Variants in SYNJ2 observed in about 807,000 individuals in gnomAD.
The protein encoded by SYNJ2 is synaptojanin 2, also known as polyphosphatidylinositol phosphatase SYNJ2.
In SYNJ2, 116 loss-of-function variants were observed where a neutral mutation model predicts 141.3. The ratio of observed to expected loss-of-function variants is 0.82; its 90% CI spans 0.71 to 0.96. SYNJ2 has a LOEUF of 0.96. Among genes scored for constraint, SYNJ2 ranks in the 40% least tolerant of loss-of-function variants. The pLI is 0.00. For missense variants in SYNJ2, 1,873 were observed against 1,934.8 expected, an observed-to-expected ratio of 0.97 and a Z score of 0.60; for synonymous variants, 745 against 777.7, an observed-to-expected ratio of 0.96 and a Z score of 0.70.
chr6:158,000,393 G>C (rs1232904895), intron 1 of SYNJ2, among the ~76,000 whole-genome samples: 5 of 152,124 alleles, frequency 3.3e-5, no homozygotes, highest in Non-Finnish European at 5.9e-5. Flanking sequence ...GGATTTGGCT[G>C]TTTGTTCCTT....
intron 2 of SYNJ2, among the ~76,000 whole-genome samples, chr6:158,024,309 C>T (rs894283423): frequency 6.6e-6 from 1 of 152,104 alleles, no homozygotes. Flanking sequence ...CCTGTAATCC[C>T]GGCTACTCAA....
At chr6:158,025,972 A>ACATGC (rs1554235769) in intron 2 of SYNJ2, among the ~76,000 whole-genome samples, 2 of 128,730 alleles carry the variant, frequency 1.6e-5, no homozygotes, top group African/African-American at 6.1e-5. Flanking sequence ...ATAAATAAAT[A>ACATGC]ATACATGCAT....
Position 158,023,381 on chromosome 6 carries a change from A to C in SYNJ2, c.215-5375A>C, listed in dbSNP as rs527794012. On this transcript the variant is annotated intron_variant, in intron 2 of 26. Transcript: ENST00000355585. Reference sequence around the variant, plus strand: ...ACAGTGAGGCTGGGATTGAAGGAGGAGGAAGCCATCAGTGCTGGGTCAGGT... The same window carrying C: ...ACAGTGAGGCTGGGATTGAAGGAGGCGGAAGCCATCAGTGCTGGGTCAGGT... Among the ~76,000 whole-genome samples, 5 of 151,946 alleles carry C rather than the reference A, an allele frequency of 3.3e-5. No individual in the cohort carries two copies. In the South Asian group the frequency reaches 1.0e-3, roughly 32 times the overall value.
intron 4 of SYNJ2, among the ~76,000 whole-genome samples, chr6:158,042,234 G>A (rs1006224200): frequency 6.6e-6 from 1 of 152,274 alleles, no homozygotes; most frequent in East Asian, 1.9e-4. Context: ...GAAACAGACA[G>A]CATGTTCTTA....
At chr6:158,058,420 A>G (rs1162060815) in intron 6 of SYNJ2, among the ~76,000 whole-genome samples, 1 of 152,240 alleles carries the variant, frequency 6.6e-6, no homozygotes, top group African/African-American at 2.4e-5. Flanking sequence ...TTCAACATAC[A>G]TATTTAGAAA....
rs1474304644 is a variant in SYNJ2, at chr6:158,097,488, A to G, written c.*1124A>G. 1.3e-5 allele frequency: 2 copies of G among 152,258 alleles called. No homozygotes were observed. The highest frequency in any genetic ancestry group is 3.8e-4 in the East Asian group (2 of 5,202). 9.4% of individuals were successfully genotyped at this position (152,258 alleles called of 1,614,324 possible). On this transcript the variant is annotated 3_prime_UTR_variant, in exon 27 of 27. Coordinates refer to ENST00000355585, the MANE Select transcript of SYNJ2 (RefSeq NM_003898.4). ...TTTAAAGTAATGTTACAAGGTCTGG[A>G]ATCCATTTGGAGCAGATACCGTGTT...
chr6:157,983,222 A>T (rs941996311), intron 1 of SYNJ2, among the ~76,000 whole-genome samples: 1 of 152,192 alleles, frequency 6.6e-6, no homozygotes, highest in Non-Finnish European at 1.5e-5. Context: ...CTGATTCCCT[A>T]ATCATTTCAT....
Position 158,093,040 on chromosome 6 carries a change from T to C in SYNJ2, c.3680T>C (p.Leu1227Pro), listed in dbSNP as rs1783568628. The C allele has an allele frequency of 3.1e-6, 5 of 1,611,048 alleles. No individual in the cohort carries two copies. The highest frequency in any genetic ancestry group is 4.2e-6 in the Non-Finnish European group (5 of 1,179,246). ...KPETPQAPPL[L>P]PRRPPPRVPA... ...GAGACCCCACAGGCGCCCCCACTCCTTCCCCGTCGGCCCCCACCCAGAGTT... is the reference window on the plus strand; with the variant it reads ...GAGACCCCACAGGCGCCCCCACTCCCTCCCCGTCGGCCCCCACCCAGAGTT... Residue 1227 changes from leucine to proline, a missense_variant, in exon 26 of 27, where the codon CTT (leucine) becomes CCT (proline). Coordinates refer to ENST00000355585, the MANE Select transcript of SYNJ2 (RefSeq NM_003898.4).
chr6:157,986,407 C>T (rs143562629), intron 1 of SYNJ2, among the ~76,000 whole-genome samples: 1 of 152,318 alleles, frequency 6.6e-6, no homozygotes, highest in Non-Finnish European at 1.5e-5. Flanking sequence ...AATCTTGGCT[C>T]ACTGCAACCC....
chr6:158,039,272 C>G (rs1474766150), intron 4 of SYNJ2, among the ~76,000 whole-genome samples: 3 of 152,254 alleles, frequency 2.0e-5, no homozygotes, highest in Non-Finnish European at 1.5e-5. Context: ...AGTTAGTATG[C>G]TCCTGCGAAG....
In SYNJ2 at chr6:158,063,865, C is replaced by T. The variant is rs148209966; in HGVS notation, c.1202C>T (p.Ala401Val). The change falls in exon 9 of 27, where the codon GCG (alanine) becomes GTG (valine). Residue 401 changes from alanine (A) to valine (V), a missense_variant. Ala to Val is a moderately conservative substitution (Grantham distance 64). Coordinates refer to ENST00000355585, the MANE Select transcript of SYNJ2 (RefSeq NM_003898.4). The part of the protein sequence containing the change: ...DRTNTVQSFI[A>V]LEVLHLQLKT... ...ACCAACACTGTGCAGAGCTTCATCGCGCTCGAGGTGCGTCCCTGCCACAGC... is the reference window on the plus strand; with the variant it reads ...ACCAACACTGTGCAGAGCTTCATCGTGCTCGAGGTGCGTCCCTGCCACAGC... 24 of 1,613,466 alleles carry T rather than the reference C, an allele frequency of 1.5e-5. No individual in the cohort carries two copies. The highest frequency in any genetic ancestry group is 8.9e-5 in the East Asian group (4 of 44,850).
upstream of SYNJ2, among the ~76,000 whole-genome samples, chr6:157,981,333 G>A (rs927345974): frequency 4.6e-5 from 7 of 152,314 alleles, no homozygotes; most frequent in East Asian, 1.2e-3. The surrounding 1 kb of genome is among the most constrained non-coding windows in gnomAD (Gnocchi z 6.4). Context: ...TCTCCAGCCC[G>A]CTCCACGCGC....
At chr6:158,003,652 G>C (rs191327877) in intron 1 of SYNJ2, among the ~76,000 whole-genome samples, 27 of 152,164 alleles carry the variant, frequency 1.8e-4, no homozygotes, top group Non-Finnish European at 1.2e-4. Flanking sequence ...TCCTTAAGGC[G>C]TGTTATTGTG....
Position 158,090,332 on chromosome 6 carries a change from G to A in SYNJ2, c.3565+385G>A, listed in dbSNP as rs189321715. ...ACAAAATCTACCTTTTAAATCACTG[G>A]CAAGTGGAAATAAAGTTTTTAGTGT... On this transcript the variant is annotated intron_variant, in intron 25 of 26. Coordinates refer to ENST00000355585, the MANE Select transcript of SYNJ2 (RefSeq NM_003898.4). 1.9e-4 allele frequency among the ~76,000 whole-genome samples: 29 copies of A among 152,264 alleles called. No individual in the cohort carries two copies. In the East Asian group the frequency reaches 2.1e-3, roughly 11 times the overall value.
chr6:158,067,798 C>T (rs2128370340), intron 12 of SYNJ2: 4 of 985,268 alleles, frequency 4.1e-6, no homozygotes, highest in East Asian at 1.1e-4. Flanking sequence ...CACTGGGGCT[C>T]TCTGTGTCGG....
chr6:158,069,745 C>T, intron 14 of SYNJ2, 72 bp downstream of exon 14: 1 of 1,466,306 alleles, frequency 6.8e-7, no homozygotes, highest in Non-Finnish European at 9.2e-7. Flanking sequence ...TCTTTGACTT[C>T]CCCCTCCTCC....
chr6:158,016,636 C>G (rs566642092), intron 1 of SYNJ2, among the ~76,000 whole-genome samples: 1 of 152,300 alleles, frequency 6.6e-6, no homozygotes, highest in South Asian at 2.1e-4. Context: ...CCTAATGGTT[C>G]TTCCCTCTGT....
In SYNJ2 at chr6:158,064,717, C is replaced by G; in HGVS notation, c.1326C>G (p.Phe442Leu). ...SLNGHSLSKV[F>L]TGSRALEGKA... Reference sequence around the variant, plus strand: ...ATGGCCACAGCCTGAGCAAGGTGTTCACAGGCAGCAGAGCCCTGGAAGGGA... The same window carrying G: ...ATGGCCACAGCCTGAGCAAGGTGTTGACAGGCAGCAGAGCCCTGGAAGGGA... Residue 442 changes from phenylalanine (F) to leucine (L), a missense_variant, in exon 10 of 27, where the codon TTC becomes TTG. Physicochemically the swap from Phe to Leu is conservative, Grantham distance 22. Coordinates refer to ENST00000355585, the MANE Select transcript of SYNJ2 (RefSeq NM_003898.4). The G allele has an allele frequency of 6.2e-7, 1 of 1,613,992 alleles. No homozygotes were observed.
At chr6:158,036,038 C>T (rs147162194) in intron 4 of SYNJ2, among the ~76,000 whole-genome samples, 68 of 151,700 alleles carry the variant, frequency 4.5e-4, no homozygotes, top group Non-Finnish European at 8.7e-4. Flanking sequence ...GGCATACATG[C>T]GGCCAGCAAT....
Sources: allele counts gnomAD v4.1 joint callset (sites outside exome capture counted in the v4.1 genomes callset), GRCh38; gene constraint gnomAD v4.1.1; non-coding constraint Gnocchi (gnomAD v3.1); transcripts MANE v1.5; gene names NCBI Gene and HGNC (gene_info 2026-07-23, HGNC 2026-07-21).